Variants in DOCK7 observed in about 807,000 individuals in gnomAD.
DOCK7 encodes dedicator of cytokinesis 7.
Under a neutral mutation model 271.0 loss-of-function variants are expected in DOCK7, and 138 were observed. That is an observed-to-expected ratio of 0.51 (90% CI 0.44 to 0.59). DOCK7 has a LOEUF of 0.59. DOCK7 is among the 20% of genes least tolerant of loss of function. DOCK7 has a pLI of 0.00. For missense variants in DOCK7, 2,066 were observed against 2,592.4 expected, an observed-to-expected ratio of 0.80 and a Z score of 4.41; for synonymous variants, 823 against 876.1, an observed-to-expected ratio of 0.94 and a Z score of 1.07.
Position 62,601,813 on chromosome 1 carries a change from A to G in DOCK7, c.1683-15189T>C, listed in dbSNP as rs200949988. 1.8e-4 allele frequency: 297 copies of G among 1,610,290 alleles called. 1 individual carries two copies. In the Middle Eastern group the frequency reaches 2.0e-3, roughly 11 times the overall value. ...CACCATTTATAACAGAGGTGAACATACAAGTGGCATGTATGCCATCAGACC... is the reference window on the plus strand; with the variant it reads ...CACCATTTATAACAGAGGTGAACATGCAAGTGGCATGTATGCCATCAGACC... On this transcript the variant is annotated intron_variant, in intron 14 of 49. Transcript: ENST00000635253.
Position 62,474,088 on chromosome 1 carries a change from C to A in DOCK7, c.6106G>T (p.Gly2036Trp). The A allele has an allele frequency of 6.2e-7, 1 of 1,610,176 alleles. No individual in the cohort carries two copies. The highest frequency in any genetic ancestry group is 1.1e-5 in the South Asian group (1 of 90,614). The change falls in exon 48 of 50, where the codon GGG becomes TGG. Residue 2036 changes from glycine (G) to tryptophan (W), a missense_variant and splice_region_variant. By Grantham distance (184) the Gly-to-Trp change is radical. Around this residue, in one of 2 missense-constraint regions of DOCK7, gnomAD observed 652 missense variants for 922.1 expected, o/e 0.71. Transcript: ENST00000635253. Reference protein sequence around the residue: ...QGSVGTTVNQGPLEVAQVFLS... With the variant: ...QGSVGTTVNQWPLEVAQVFLS... Reference sequence around the variant, plus strand: ...AAAACCTGGGCAACTTCCAAAGGCCCCTGCAAAATAAGAAAATAAGAAGTG... The same window carrying A: ...AAAACCTGGGCAACTTCCAAAGGCCACTGCAAAATAAGAAAATAAGAAGTG...
At chr1:62,641,930 C>A (rs1394148552) in intron 7 of DOCK7, among the ~76,000 whole-genome samples, 1 of 151,612 alleles carries the variant, frequency 6.6e-6, no homozygotes, top group Non-Finnish European at 1.5e-5. Flanking sequence ...TACTTTCAAT[C>A]TTTCTGGGTG....
chr1:62,648,532 C>A lies in DOCK7; in HGVS notation c.402G>T (p.Leu134Phe), dbSNP rs1445715986. 7.5e-7 allele frequency: 1 copy of A among 1,336,626 alleles called. No individual in the cohort carries two copies. Among genetic ancestry groups the A allele is most frequent in the East Asian group, 2.8e-5 (1 of 36,082 alleles). 82.8% of individuals were successfully genotyped at this position (1,336,626 alleles called of 1,614,324 possible). A position where few individuals can be genotyped will look rare whatever the true frequency, so the allele number is the denominator to read the frequency against. ...WAIVIRKYHK[L>F]GTGFNPNTLD... Reference sequence around the variant, plus strand: ...ATGTATTGGGATTAAATCCTGTTCCCAATTTATGATATCTATTAAAGAAAA... The same window carrying A: ...ATGTATTGGGATTAAATCCTGTTCCAAATTTATGATATCTATTAAAGAAAA... Residue 134 changes from leucine to phenylalanine, a missense_variant, in exon 5 of 50, where the codon TTG becomes TTT. Around this residue, in one of 2 missense-constraint regions of DOCK7, gnomAD observed 1,414 missense variants for 1,670.4 expected, o/e 0.85. Coordinates refer to ENST00000635253, the MANE Select transcript of DOCK7 (RefSeq NM_001367561.1).
intron 14 of DOCK7, among the ~76,000 whole-genome samples, chr1:62,603,244 C>T (rs1010862567): frequency 6.6e-6 from 1 of 151,570 alleles, no homozygotes; most frequent in South Asian, 2.1e-4. Context: ...TTGTATTTAC[C>T]AGCAATCCTT....
At chr1:62,464,434 C>A (rs900614162) in intron 48 of DOCK7, among the ~76,000 whole-genome samples, 2 of 150,964 alleles carry the variant, frequency 1.3e-5, no homozygotes, top group Non-Finnish European at 3.0e-5. Flanking sequence ...GTAATCCCAG[C>A]GCTTTGGGAG....
At chr1:62,667,819 A>C (rs1477443679) in intron 1 of DOCK7, among the ~76,000 whole-genome samples, 2 of 152,204 alleles carry the variant, frequency 1.3e-5, no homozygotes, top group Non-Finnish European at 2.9e-5. Flanking sequence ...GGAGTTCGCG[A>C]CCAGTCTGGC....
chr1:62,563,863 C>CAAAAAAA (rs71045848), intron 18 of DOCK7, among the ~76,000 whole-genome samples: 1 of 38,842 alleles, frequency 2.6e-5, no homozygotes, highest in African/African-American at 1.0e-4. Context: ...ATTTACCAAG[C>CAAAAAAA]AAAAAAAAAA....
In DOCK7 at chr1:62,499,642, G is replaced by A. The variant is rs567072768; in HGVS notation, c.4765-3145C>T. On this transcript the variant is annotated intron_variant, in intron 37 of 49. Transcript: ENST00000635253. ...AAATCCCAGCACTTTGGGAGGCCAAGACAGGAGAGCTGCTTGAGGCAAGGA... is the reference window on the plus strand; with the variant it reads ...AAATCCCAGCACTTTGGGAGGCCAAAACAGGAGAGCTGCTTGAGGCAAGGA... Among the ~76,000 whole-genome samples the A allele has an allele frequency of 6.6e-5, 10 of 152,210 alleles. No homozygotes were observed. The South Asian group carries it at 2.1e-3, about 32-fold the overall frequency.
intron 11 of DOCK7, chr1:62,629,606 ACTG>A (rs1654372877): frequency 6.6e-6 from 1 of 152,230 alleles, no homozygotes; most frequent in African/African-American, 2.4e-5. Context: ...AGGAGTGACC[ACTG>A]CTAATGGGTA....
At chr1:62,474,595 T>TG (rs11442941) in intron 47 of DOCK7, among the ~76,000 whole-genome samples, 88,144 of 151,936 alleles carry the variant, frequency 0.58, 27,307 homozygotes, top group East Asian at 0.75. Flanking sequence ...GGTCTTAAGG[T>TG]ATTTATTTCA....
At chr1:62,638,763 CAGAT>C (rs1476924509) in intron 7 of DOCK7, among the ~76,000 whole-genome samples, 1 of 150,848 alleles carries the variant, frequency 6.6e-6, no homozygotes, top group Non-Finnish European at 1.5e-5. Context: ...ATAGACAAGA[CAGAT>C]AGACACAAAG....
At chr1:62,658,710 G>A (rs1012962747) in intron 2 of DOCK7, among the ~76,000 whole-genome samples, 11 of 152,210 alleles carry the variant, frequency 7.2e-5, no homozygotes, top group African/African-American at 2.4e-4. Flanking sequence ...AGCACTTTGG[G>A]AGGCCAAGGC....
chr1:62,610,576 C>G (rs186099999), intron 14 of DOCK7, among the ~76,000 whole-genome samples: 12 of 152,242 alleles, frequency 7.9e-5, no homozygotes, highest in African/African-American at 2.9e-4. Context: ...ATCAACCCGT[C>G]ATCTACATTA....
chr1:62,655,974 G>A (rs538060195), intron 2 of DOCK7, among the ~76,000 whole-genome samples: 14 of 152,080 alleles, frequency 9.2e-5, no homozygotes, highest in Admixed American at 4.6e-4. Flanking sequence ...CTGGGTTTTC[G>A]AGCTCTAAAA....
chr1:62,637,044 T>A (rs937695911), intron 7 of DOCK7, among the ~76,000 whole-genome samples: 13 of 152,152 alleles, frequency 8.5e-5, no homozygotes, highest in African/African-American at 3.1e-4. Flanking sequence ...AACAGGAGCA[T>A]CCAAAGAATC....
intron 18 of DOCK7, among the ~76,000 whole-genome samples, chr1:62,568,467 AT>A (rs35786798): frequency 0.97 from 136,338 of 140,566 alleles, 66,174 homozygotes; most frequent in East Asian, 0.99. Flanking sequence ...TGCCAGGCTA[AT>A]TTTTTTTTTT....
At chr1:62,540,005 A>G in intron 25 of DOCK7, 113 bp from the exon 26 acceptor site, 1 of 655,254 alleles carries the variant, frequency 1.5e-6, no homozygotes, top group Non-Finnish European at 2.3e-6. Context: ...AGATGACTGA[A>G]ATATTTTTAG....
intron 34 of DOCK7, among the ~76,000 whole-genome samples, chr1:62,508,512 T>A (rs1338887769): frequency 1.3e-5 from 2 of 152,062 alleles, no homozygotes; most frequent in Non-Finnish European, 2.9e-5. Flanking sequence ...TTTCCCCCAA[T>A]TTTTTTTATA....
In DOCK7 at chr1:62,545,002, C is replaced by A. The variant is rs1265240063; in HGVS notation, c.2804G>T (p.Gly935Val). The change falls in exon 23 of 50, where the codon GGT (glycine) becomes GTT (valine). Residue 935 changes from glycine to valine, a missense_variant. By Grantham distance (109) the Gly-to-Val change is moderately radical. Around this residue, in one of 2 missense-constraint regions of DOCK7, gnomAD observed 1,414 missense variants for 1,670.4 expected, o/e 0.85. Coordinates refer to ENST00000635253, the MANE Select transcript of DOCK7 (RefSeq NM_001367561.1). ...DRSNSWVNTG[G>V]PKAAPWGSNP... ...GGATCCCCATGGGGCAGCTTTTGGA[C>A]CACCAGTGTTAACCCAGGAATTGGA... is the stretch of plus-strand genomic sequence containing the variant. 6.5e-7 allele frequency: 1 copy of A among 1,549,756 alleles called. No homozygotes were observed. The highest frequency in any genetic ancestry group is 1.2e-5 in the South Asian group (1 of 84,008).
Sources: gnomAD v4.1 joint callset for allele counts (sites outside exome capture counted in the v4.1 genomes callset) on GRCh38, gnomAD v4.1.1 for gene constraint, gnomAD v4.1.1 regional missense constraint, MANE v1.5 for transcripts, NCBI Gene and HGNC (gene_info 2026-07-23, HGNC 2026-07-21) for gene names.